Variants in CRCP observed in about 807,000 individuals in gnomAD.
The protein encoded by CRCP is DNA-directed RNA polymerase III subunit RPC9.
In CRCP, 18 loss-of-function variants were observed where a neutral mutation model predicts 18.5. The ratio of observed to expected loss-of-function variants is 0.97; its 90% CI spans 0.67 to 1.44. The LOEUF (loss-of-function observed/expected upper bound fraction) is 1.44. Among genes scored for constraint, CRCP ranks in the 40% most tolerant of loss-of-function variants. The pLI is 0.00. For synonymous variants in CRCP, 53 were observed against 62.9 expected (o/e 0.84, Z 0.75); for missense variants, 130 against 176.4 (o/e 0.74, Z 1.49).
intron 3 of CRCP, among the ~76,000 whole-genome samples, chr7:66,133,695 G>T (rs2115953859): frequency 6.7e-6 from 1 of 148,416 alleles, no homozygotes; most frequent in African/African-American, 2.4e-5. Flanking sequence ...TCAGATTGAG[G>T]GTTTTTTTTT....
chr7:66,141,057 T>A (rs139061765), intron 4 of CRCP, among the ~76,000 whole-genome samples: 15 of 152,304 alleles, frequency 9.8e-5, no homozygotes, highest in Non-Finnish European at 1.9e-4. Flanking sequence ...CCTTTTAACC[T>A]CAACCCTTTG....
chr7:66,143,854 C>T (rs1409602779), intron 4 of CRCP, among the ~76,000 whole-genome samples: 1 of 152,132 alleles, frequency 6.6e-6, no homozygotes, highest in African/African-American at 2.4e-5. Context: ...ATGGTAGTGG[C>T]GGCCTCTGGA....
At chr7:66,135,015 G>A (rs146408543) in intron 4 of CRCP, among the ~76,000 whole-genome samples, 23 of 152,292 alleles carry the variant, frequency 1.5e-4, no homozygotes, top group African/African-American at 5.3e-4. Flanking sequence ...AGCCATAAAT[G>A]ATGCAACCTT....
At chr7:66,140,830 G>GCCCAAC (rs948945758) in intron 4 of CRCP, among the ~76,000 whole-genome samples, 12 of 152,086 alleles carry the variant, frequency 7.9e-5, no homozygotes, top group African/African-American at 2.2e-4. Context: ...TGCTTCCTAA[G>GCCCAAC]CCCAACATCT....
chr7:66,150,290 C>T (rs1788418368), intron 5 of CRCP, among the ~76,000 whole-genome samples: 1 of 150,470 alleles, frequency 6.6e-6, no homozygotes. Flanking sequence ...TGGTGCATGC[C>T]TGTAATCCCA....
chr7:66,119,303 G>T (rs1419362388), intron 1 of CRCP, among the ~76,000 whole-genome samples: 2 of 152,168 alleles, frequency 1.3e-5, no homozygotes, highest in Non-Finnish European at 2.9e-5. Context: ...AGAGCTCTGC[G>T]CCCCCTCTCT....
intron 4 of CRCP, among the ~76,000 whole-genome samples, chr7:66,137,375 T>C (rs772008426): frequency 6.6e-6 from 1 of 152,200 alleles, no homozygotes; most frequent in Non-Finnish European, 1.5e-5. Context: ...TAGGATTTTC[T>C]GTGCAGAAAG....
rs904323779 is a variant in CRCP at position 66,130,676 on chromosome 7, A to T, written c.46-68A>T. The T allele has an allele frequency of 7.7e-6, 7 of 912,188 alleles. No individual in the cohort carries two copies. The Admixed American group carries it at 1.5e-4, about 19-fold the overall frequency. 56.5% of individuals were successfully genotyped at this position (912,188 alleles called of 1,614,324 possible). ...TATACTTTCCTGTTTATCCTTCAAA[A>T]CCACTGACCTTGGATAGATATATTT... On this transcript the variant is annotated intron_variant, in intron 2 of 5. Coordinates refer to ENST00000395326, the MANE Select transcript of CRCP (RefSeq NM_014478.5).
intron 4 of CRCP, among the ~76,000 whole-genome samples, chr7:66,143,852 G>T (rs62465476): frequency 6.6e-6 from 1 of 152,248 alleles, no homozygotes; most frequent in South Asian, 2.1e-4. Flanking sequence ...AAATGGTAGT[G>T]GCGGCCTCTG....
chr7:66,122,996 C>T (rs1328625976), intron 1 of CRCP, among the ~76,000 whole-genome samples: 2 of 149,584 alleles, frequency 1.3e-5, no homozygotes, highest in Non-Finnish European at 3.0e-5. Flanking sequence ...GCTCTGTCGC[C>T]CAGGCTGGAG....
intron 2 of CRCP, chr7:66,128,775 A>T (rs1439788982): frequency 1.3e-5 from 2 of 152,182 alleles, no homozygotes; most frequent in African/African-American, 4.8e-5. Context: ...ATATTCCAGC[A>T]TTTTTGCCTC....
chr7:66,131,058 T>C (rs1787787506), intron 3 of CRCP, among the ~76,000 whole-genome samples: 1 of 152,176 alleles, frequency 6.6e-6, no homozygotes, highest in Non-Finnish European at 1.5e-5. Flanking sequence ...CACTGCAAGC[T>C]CCACCTCCCA....
rs541658525 is a variant in CRCP at position 66,146,245 on chromosome 7, C to T, written c.297+745C>T. On this transcript the variant is annotated intron_variant, in intron 5 of 5. Transcript: ENST00000395326. ...GTACAGCCTCATCACTTGTGAAGTC[C>T]GCTTTGTACTGAGAGCGTAGGCTTT... Among the ~76,000 whole-genome samples, 5 of 152,104 alleles carry T rather than the reference C, an allele frequency of 3.3e-5. No homozygotes were observed. The East Asian group carries it at 7.7e-4, about 24-fold the overall frequency.
intron 4 of CRCP, among the ~76,000 whole-genome samples, chr7:66,134,759 C>T (rs1353230837): frequency 6.6e-6 from 1 of 152,074 alleles, no homozygotes; most frequent in Non-Finnish European, 1.5e-5. Flanking sequence ...TTATTTATAT[C>T]TGCTAACTCC....
intron 4 of CRCP, 156 bp downstream of exon 4, chr7:66,134,530 G>T: frequency 2.0e-6 from 1 of 493,622 alleles, no homozygotes; most frequent in Non-Finnish European, 3.5e-6. Flanking sequence ...ATAGGGACTA[G>T]AGTAAGGAAC....
At chr7:66,149,446 G>A (rs1788391288) in intron 5 of CRCP, among the ~76,000 whole-genome samples, 1 of 152,174 alleles carries the variant, frequency 6.6e-6, no homozygotes, top group Non-Finnish European at 1.5e-5. Flanking sequence ...TTGAGCCCAG[G>A]AGTTTGAGAC....
At chr7:66,122,984 T>C (rs1272983583) in intron 1 of CRCP, among the ~76,000 whole-genome samples, 2 of 149,190 alleles carry the variant, frequency 1.3e-5, no homozygotes, top group East Asian at 3.9e-4. Flanking sequence ...AGATGGAGTC[T>C]CGCTCTGTCG....
chr7:66,132,333 T>C (rs1787832550), intron 3 of CRCP, among the ~76,000 whole-genome samples: 1 of 152,240 alleles, frequency 6.6e-6, no homozygotes, highest in South Asian at 2.1e-4. Flanking sequence ...ATATCCTTAC[T>C]CTTCCTTTGT....
At chr7:66,141,231 A>C (rs1788127017) in intron 4 of CRCP, among the ~76,000 whole-genome samples, 1 of 152,108 alleles carries the variant, frequency 6.6e-6, no homozygotes, top group Admixed American at 6.6e-5. Context: ...ACATTCAGTT[A>C]TACTCTTGTA....
Sources: gnomAD v4.1 joint callset for allele counts (sites outside exome capture counted in the v4.1 genomes callset) on GRCh38, gnomAD v4.1.1 for gene constraint, MANE v1.5 for transcripts, NCBI Gene and HGNC (gene_info 2026-07-23, HGNC 2026-07-21) for gene names.